Variants in NBAS observed in about 807,000 individuals in gnomAD.
NBAS encodes NBAS subunit of NRZ tethering complex.
In NBAS, 219 loss-of-function variants were observed where a neutral mutation model predicts 302.5. The observed-to-expected ratio is 0.72, with a 90% CI of 0.65 to 0.81. The LOEUF is 0.81. Ranked by LOEUF, NBAS falls within the 30% of genes least tolerant of loss-of-function variation. The pLI is 0.00. For synonymous variants in NBAS, 1,118 were observed against 1,021.6 expected, an observed-to-expected ratio of 1.09 and a Z score of -1.80; for missense variants, 2,932 against 2,841.6, an observed-to-expected ratio of 1.03 and a Z score of -0.72.
At chr2:15,464,240 G>A (rs1304167710) in intron 19 of NBAS, among the ~76,000 whole-genome samples, 1 of 152,128 alleles carries the variant, frequency 6.6e-6, no homozygotes, top group East Asian at 1.9e-4. Context: ...GTCTCTGTTA[G>A]GAACTTTTCC....
chr2:15,501,721 A>G (rs947641059), intron 11 of NBAS, among the ~76,000 whole-genome samples: 5 of 151,478 alleles, frequency 3.3e-5, no homozygotes, highest in African/African-American at 1.2e-4. Context: ...ATATGGTTAT[A>G]CAGGAAAGCA....
chr2:15,293,906 A>G (rs1027799327), intron 40 of NBAS, among the ~76,000 whole-genome samples: 2 of 104,292 alleles, frequency 1.9e-5, no homozygotes, highest in Non-Finnish European at 1.8e-5. Context: ...CAATCTTACT[A>G]TATTTATTTT....
At chr2:14,820,974 G>A in the NBAS span, among the ~76,000 whole-genome samples, 8 of 151,568 alleles carry the variant, frequency 5.3e-5, 1 homozygote, top group South Asian at 2.1e-4. Flanking sequence ...CTGTCGCCCA[G>A]GCTGGAGTGC....
At chr2:14,900,177 C>G in the NBAS span, among the ~76,000 whole-genome samples, 1 of 147,858 alleles carries the variant, frequency 6.8e-6, no homozygotes, top group Non-Finnish European at 1.5e-5. Context: ...CCCATTTGCT[C>G]AGCTGCTTTT....
intron 35 of NBAS, among the ~76,000 whole-genome samples, chr2:15,351,280 C>T (rs912373008): frequency 2.6e-5 from 4 of 152,030 alleles, no homozygotes; most frequent in Non-Finnish European, 4.4e-5. Flanking sequence ...ATGTATGGTA[C>T]GTATCGACAT....
At chr2:15,363,547 A>T (rs1674045558) in intron 32 of NBAS, among the ~76,000 whole-genome samples, 1 of 152,204 alleles carries the variant, frequency 6.6e-6, no homozygotes, top group African/African-American at 2.4e-5. Context: ...TGAGTAAAGG[A>T]TTTAACTTAA....
chr2:14,994,734 G>T, the NBAS span, among the ~76,000 whole-genome samples: 1 of 152,178 alleles, frequency 6.6e-6, no homozygotes, highest in Non-Finnish European at 1.5e-5. Flanking sequence ...CCCGTTACCT[G>T]TCCCACATGG....
At chr2:14,926,588 G>A in the NBAS span, among the ~76,000 whole-genome samples, 186 of 152,160 alleles carry the variant, frequency 1.2e-3, no homozygotes, top group African/African-American at 3.7e-3. Flanking sequence ...TAAATTATGC[G>A]TAACATAAAA....
chr2:15,275,750 T>C lies in NBAS; in HGVS notation c.5458A>G (p.Ser1820Gly). The C allele has an allele frequency of 6.2e-7, 1 of 1,614,194 alleles. No homozygotes were observed. The highest frequency in any genetic ancestry group is 8.5e-7 in the Non-Finnish European group (1 of 1,180,034). Reference protein sequence around the residue: ...PLEALEPVLSSQNILSISKLV... With the variant: ...PLEALEPVLSGQNILSISKLV... Reference sequence around the variant, plus strand: ...TTGGAAATAGACAAGATATTTTGACTTGAAAGAACTGGCTCCAATGCTTCA... The same window carrying C: ...TTGGAAATAGACAAGATATTTTGACCTGAAAGAACTGGCTCCAATGCTTCA... The change falls in exon 44 of 52, where the codon AGT becomes GGT. Residue 1820 changes from serine to glycine, a missense_variant. Ser to Gly is a moderately conservative substitution (Grantham distance 56). Coordinates refer to ENST00000281513, the MANE Select transcript of NBAS (RefSeq NM_015909.4).
At chr2:15,276,716 TA>T in intron 43 of NBAS, 134 bp downstream of exon 43, 1 of 1,307,732 alleles carries the variant, frequency 7.6e-7, no homozygotes, top group Non-Finnish European at 1.1e-6. Flanking sequence ...AGATAATAAC[TA>T]AAGTCGATTA....
intron 9 of NBAS, among the ~76,000 whole-genome samples, chr2:15,517,976 T>C (rs1202496846): frequency 6.6e-6 from 1 of 152,142 alleles, no homozygotes; most frequent in African/African-American, 2.4e-5. Flanking sequence ...AGTCTTAAGT[T>C]AAAAAAATCA....
chr2:14,995,992 T>G, the NBAS span, among the ~76,000 whole-genome samples: 1 of 149,368 alleles, frequency 6.7e-6, no homozygotes, highest in Admixed American at 6.7e-5. Context: ...GTGCCCCCCA[T>G]GTACTCCCCA....
chr2:14,983,405 AG>A, the NBAS span, among the ~76,000 whole-genome samples: 1 of 152,224 alleles, frequency 6.6e-6, no homozygotes, highest in African/African-American at 2.4e-5. Flanking sequence ...CTGAGTGTAT[AG>A]GTCCATAGAA....
At chr2:14,782,462 G>A in the NBAS span, among the ~76,000 whole-genome samples, 4 of 152,174 alleles carry the variant, frequency 2.6e-5, no homozygotes, top group Non-Finnish European at 5.9e-5. Context: ...AAAATAACAT[G>A]CTGGCAAGGT....
intron 11 of NBAS, among the ~76,000 whole-genome samples, chr2:15,493,966 C>T (rs1021165790): frequency 5.9e-5 from 9 of 151,636 alleles, no homozygotes; most frequent in African/African-American, 2.2e-4. Context: ...GCTGGGATTA[C>T]AGGCACCTGC....
the NBAS span, among the ~76,000 whole-genome samples, chr2:14,961,587 T>G: frequency 6.6e-6 from 1 of 152,188 alleles, no homozygotes; most frequent in Non-Finnish European, 1.5e-5. Context: ...CAAATAAAGT[T>G]CCTTTATTTA....
At chr2:15,295,116 G>C (rs1167286356) in intron 40 of NBAS, among the ~76,000 whole-genome samples, 1 of 152,174 alleles carries the variant, frequency 6.6e-6, no homozygotes. Flanking sequence ...TACTGGCAGA[G>C]TGGCCTACAC....
chr2:15,407,909 A>C (rs980877380), intron 25 of NBAS, among the ~76,000 whole-genome samples: 3 of 152,186 alleles, frequency 2.0e-5, no homozygotes, highest in African/African-American at 7.2e-5. Flanking sequence ...GAGAGAACCC[A>C]CTTCCTTACC....
the NBAS span, among the ~76,000 whole-genome samples, chr2:15,141,213 C>T: frequency 2.6e-5 from 4 of 151,834 alleles, no homozygotes; most frequent in Non-Finnish European, 4.4e-5. Flanking sequence ...CTTCCTCTCC[C>T]GCTCCCTCTG....
Sources: allele counts gnomAD v4.1 joint callset (sites outside exome capture counted in the v4.1 genomes callset), GRCh38; gene constraint gnomAD v4.1.1; transcripts MANE v1.5; gene names NCBI Gene and HGNC (gene_info 2026-07-23, HGNC 2026-07-21).